The following SCTR variants were observed in gnomAD, a reference collection of about 807,000 sequenced individuals.
SCTR encodes the protein secretin receptor, also known as pancreatic secretin receptor.
Under a neutral mutation model 60.8 loss-of-function variants are expected in SCTR, and 56 were observed. The ratio of observed to expected loss-of-function variants is 0.92; its 90% CI spans 0.74 to 1.15. SCTR has a LOEUF of 1.15. Among genes scored for constraint, SCTR ranks in the 50% most tolerant of loss-of-function variants. The pLI, the probability that SCTR is intolerant of heterozygous loss-of-function variation, is 0.00. For synonymous variants in SCTR, 202 were observed against 217.0 expected, an observed-to-expected ratio of 0.93 and a Z score of 0.61; for missense variants, 562 against 550.4, an observed-to-expected ratio of 1.02 and a Z score of -0.21.
chr2:119,486,519 A>C (rs986873042), intron 2 of SCTR: 1 of 152,148 alleles, frequency 6.6e-6, no homozygotes, highest in Non-Finnish European at 1.5e-5. Flanking sequence ...TTTCAAGCGA[A>C]TTAAGGATTA....
intron 1 of SCTR, among the ~76,000 whole-genome samples, chr2:119,502,578 A>C (rs1405551499): frequency 6.6e-6 from 1 of 152,160 alleles, no homozygotes; most frequent in Admixed American, 6.5e-5. Context: ...TTTTTTAAGA[A>C]GTGAAATTAA....
intron 1 of SCTR, among the ~76,000 whole-genome samples, chr2:119,520,107 T>C (rs1247125625): frequency 6.6e-6 from 1 of 152,114 alleles, no homozygotes. Context: ...ATAATAAAAA[T>C]CTCAAAAGAA....
Position 119,461,843 on chromosome 2 carries a change from A to G in SCTR, c.790+4T>C, listed in dbSNP as rs747766394. The stretch of plus-strand genomic sequence containing the variant: ...GCAGATATCAGACCCAGGGAGAAAC[A>G]TACCCCATCCGAATGCCACAAATCC... On this transcript the variant is annotated splice_donor_region_variant and intron_variant, in intron 7 of 12. Coordinates refer to ENST00000019103, the MANE Select transcript of SCTR (RefSeq NM_002980.3). The G allele has an allele frequency of 1.8e-5, 29 of 1,610,688 alleles. 1 individual carries two copies. In the South Asian group the frequency reaches 2.9e-4, roughly 16 times the overall value.
chr2:119,519,810 C>CAAAAAAAAAAAAAAAA (rs71396064), intron 1 of SCTR, among the ~76,000 whole-genome samples: 1 of 58,290 alleles, frequency 1.7e-5, no homozygotes, highest in Non-Finnish European at 3.3e-5. Context: ...GACTCTGTCT[C>CAAAAAAAAAAAAAAAA]AAAAAAAAAA....
chr2:119,501,360 A>C (rs1007656519), intron 1 of SCTR, among the ~76,000 whole-genome samples: 6 of 151,962 alleles, frequency 3.9e-5, no homozygotes, highest in African/African-American at 1.5e-4. Flanking sequence ...CAGTAAGCCG[A>C]GATCATGCCA....
intron 2 of SCTR, among the ~76,000 whole-genome samples, chr2:119,491,303 AGCCC>A (rs1157562258): frequency 4.6e-5 from 7 of 152,118 alleles, no homozygotes; most frequent in Non-Finnish European, 7.4e-5. Flanking sequence ...AGGGATGATG[AGCCC>A]CTGTGGTCTC....
intron 4 of SCTR, among the ~76,000 whole-genome samples, chr2:119,472,216 G>A (rs1054625600): frequency 6.6e-6 from 1 of 152,212 alleles, no homozygotes; most frequent in African/African-American, 2.4e-5. Flanking sequence ...TAACATGGTA[G>A]GTAATAGTTG....
Position 119,440,063 on chromosome 2 carries a change from G to C in SCTR, c.*54C>G. ...ACTGGCTGTCCCACAGCAGTGCCCAGCCTTCGCAGGACCTCTCTTGGTCTC... is the reference window on the plus strand; with the variant it reads ...ACTGGCTGTCCCACAGCAGTGCCCACCCTTCGCAGGACCTCTCTTGGTCTC... On this transcript the variant is annotated 3_prime_UTR_variant, in exon 13 of 13. Coordinates refer to ENST00000019103, the MANE Select transcript of SCTR (RefSeq NM_002980.3). 6.4e-7 allele frequency: 1 copy of C among 1,565,504 alleles called. No individual in the cohort carries two copies. Among genetic ancestry groups the C allele is most frequent in the Non-Finnish European group, 8.7e-7 (1 of 1,148,280 alleles).
intron 10 of SCTR, among the ~76,000 whole-genome samples, chr2:119,447,222 G>A (rs1334666043): frequency 2.6e-5 from 4 of 151,768 alleles, no homozygotes; most frequent in African/African-American, 9.7e-5. Flanking sequence ...CATCATACAA[G>A]CAAAGCCGGC....
At chr2:119,507,015 C>A (rs958932103) in intron 1 of SCTR, among the ~76,000 whole-genome samples, 1 of 152,036 alleles carries the variant, frequency 6.6e-6, no homozygotes, top group African/African-American at 2.4e-5. Context: ...AGAAACTGGG[C>A]AAAAGTTACA....
chr2:119,490,683 C>T (rs1678081297), intron 2 of SCTR, among the ~76,000 whole-genome samples: 1 of 152,166 alleles, frequency 6.6e-6, no homozygotes, highest in Non-Finnish European at 1.5e-5. Flanking sequence ...GGTCAGTGTC[C>T]CCACCCACAC....
chr2:119,473,613 T>A (rs1299944013), intron 3 of SCTR, 57 bp from the exon 4 acceptor site: 1 of 1,037,268 alleles, frequency 9.6e-7, no homozygotes, highest in Non-Finnish European at 1.5e-6. Context: ...GTGATTTTCA[T>A]AGTAACATCT....
chr2:119,483,617 G>C (rs1372414023), intron 2 of SCTR, among the ~76,000 whole-genome samples: 1 of 152,214 alleles, frequency 6.6e-6, no homozygotes, highest in East Asian at 1.9e-4. Flanking sequence ...CTTTTGGCTG[G>C]TACATGGTTG....
intron 1 of SCTR, among the ~76,000 whole-genome samples, chr2:119,510,416 G>A (rs908374427): frequency 2.0e-5 from 3 of 152,122 alleles, no homozygotes; most frequent in Non-Finnish European, 4.4e-5. Flanking sequence ...AGAGGGACTG[G>A]GGTCCCCAGG....
At position 119,446,834 on chromosome 2, in the gene SCTR, G is replaced by C; in HGVS notation, c.1065C>G (p.Tyr355Ter). 1 of 1,583,802 alleles carries C rather than the reference G, an allele frequency of 6.3e-7. No individual in the cohort carries two copies. The highest frequency in any genetic ancestry group is 8.6e-7 in the Non-Finnish European group (1 of 1,164,310). ...CCTCTGGGGAGAAGGCGAAGACGAT[G>C]TAGTGGATGCCAAAGAGGGGGATCA... Reference protein sequence around the residue: ...LLLIPLFGIHYIVFAFSPEDA... With the variant: ...LLLIPLFGIH Residue 355 changes from tyrosine (Y) to a stop codon, truncating the protein, a stop_gained, in exon 11 of 13, where the codon TAC becomes TAG. Coordinates refer to ENST00000019103, the MANE Select transcript of SCTR (RefSeq NM_002980.3). LOFTEE classifies it high-confidence loss of function.
At chr2:119,511,215 A>G (rs566543048) in intron 1 of SCTR, among the ~76,000 whole-genome samples, 1 of 152,202 alleles carries the variant, frequency 6.6e-6, no homozygotes, top group East Asian at 1.9e-4. Context: ...TCCGTCTCAA[A>G]AAAAAAAAAT....
chr2:119,465,191 T>C (rs1683780724), intron 5 of SCTR, among the ~76,000 whole-genome samples: 1 of 152,160 alleles, frequency 6.6e-6, no homozygotes, highest in Non-Finnish European at 1.5e-5. Context: ...CTGAGGACTT[T>C]TACTGGAACC....
intron 1 of SCTR, among the ~76,000 whole-genome samples, chr2:119,498,748 A>G (rs900107470): frequency 3.3e-5 from 5 of 152,104 alleles, no homozygotes; most frequent in Non-Finnish European, 7.4e-5. Context: ...AGCACTGTAG[A>G]TAAATCAAAA....
In SCTR at chr2:119,446,613, C is replaced by A. The variant is rs1474334921; in HGVS notation, c.1140+146G>T. ...GGGACCAGGGATCCCACTCAGGGAC[C>A]TGTAGCACTGTCAGGTCCGACCCCT... On this transcript the variant is annotated intron_variant, in intron 11 of 12. Coordinates refer to ENST00000019103, the MANE Select transcript of SCTR (RefSeq NM_002980.3). 3 of 677,320 alleles carry A rather than the reference C, an allele frequency of 4.4e-6. No homozygotes were observed. The East Asian group carries it at 9.3e-5, about 21-fold the overall frequency. 42.0% of individuals were successfully genotyped at this position (677,320 alleles called of 1,614,324 possible). A position where few individuals can be genotyped will look rare whatever the true frequency, so the allele number is the denominator to read the frequency against.
Sources: gnomAD v4.1 joint callset for allele counts (sites outside exome capture counted in the v4.1 genomes callset) on GRCh38, gnomAD v4.1.1 for gene constraint, MANE v1.5 for transcripts, NCBI Gene and HGNC (gene_info 2026-07-23, HGNC 2026-07-21) for gene names.